The following NAALADL2 variants were observed in gnomAD, a reference collection of about 807,000 sequenced individuals.
The protein encoded by NAALADL2 is inactive N-acetylated-alpha-linked acidic dipeptidase-like protein 2.
NAALADL2 carries 76 observed loss-of-function variants against 87.2 expected under a neutral mutation model. The observed-to-expected ratio is 0.87, with a 90% CI of 0.72 to 1.05. NAALADL2 has a LOEUF of 1.05. Among genes scored for constraint, NAALADL2 ranks in the 50% least tolerant of loss-of-function variants. The pLI is 0.00. For missense variants in NAALADL2, 1,089 were observed against 945.8 expected, an observed-to-expected ratio of 1.15 and a Z score of -1.99; for synonymous variants, 354 against 331.0, an observed-to-expected ratio of 1.07 and a Z score of -0.75.
chr3:174,925,183 C>G (rs1234257813), intron 1 of NAALADL2, among the ~76,000 whole-genome samples: 1 of 152,092 alleles, frequency 6.6e-6, no homozygotes, highest in East Asian at 1.9e-4. Flanking sequence ...AGGTTTTCTT[C>G]TAGGGTTTTT....
At chr3:174,662,282 G>T (rs1022790266) in intron 2 of NAALADL2, among the ~76,000 whole-genome samples, 20 of 152,176 alleles carry the variant, frequency 1.3e-4, no homozygotes, top group Admixed American at 6.5e-4. Flanking sequence ...ATTACAACTT[G>T]AAGTGGAGAG....
At chr3:175,335,478 A>G (rs912548478) in intron 5 of NAALADL2, among the ~76,000 whole-genome samples, 3 of 152,186 alleles carry the variant, frequency 2.0e-5, no homozygotes, top group Non-Finnish European at 2.9e-5. Context: ...TACAAAGCAG[A>G]CTCTAAGAAC....
At chr3:175,516,472 A>G (rs563006004) in intron 9 of NAALADL2, among the ~76,000 whole-genome samples, 104 of 152,312 alleles carry the variant, frequency 6.8e-4, no homozygotes, top group African/African-American at 2.4e-3. Flanking sequence ...CCAAATGTGC[A>G]CTGTTAGTTG....
intron 12 of NAALADL2, among the ~76,000 whole-genome samples, chr3:175,737,714 GTTTTTT>G (rs71164650): frequency 2.2e-4 from 12 of 54,760 alleles, no homozygotes; most frequent in African/African-American, 6.6e-4. Context: ...CAATGATCCA[GTTTTTT>G]TTTTTTTTTT....
At position 175,810,179 on chromosome 3, in the gene NAALADL2, T is replaced by A. The variant is rs149556814; in HGVS notation, c.*6976T>A. 98 of 152,168 alleles carry A rather than the reference T, an allele frequency of 6.4e-4. No homozygotes were observed. The highest frequency in any genetic ancestry group is 2.3e-3 in the African/African-American group (97 of 41,542). The allele number at this position is 152,168 out of a possible 1,614,324, so 9.4% of individuals were successfully genotyped here. A position where few individuals can be genotyped will look rare whatever the true frequency, so the allele number is the denominator to read the frequency against. ...TTTTAAATTACTATATAGGGTTGAATGTCTAATTTCTATAATGTGTGGATG... is the reference window on the plus strand; with the variant it reads ...TTTTAAATTACTATATAGGGTTGAAAGTCTAATTTCTATAATGTGTGGATG... On this transcript the variant is annotated 3_prime_UTR_variant, in exon 14 of 14. Coordinates refer to ENST00000454872, the MANE Select transcript of NAALADL2 (RefSeq NM_207015.3).
intron 4 of NAALADL2, among the ~76,000 whole-genome samples, chr3:175,306,554 G>A (rs771232658): frequency 5.9e-5 from 9 of 152,186 alleles, no homozygotes; most frequent in Non-Finnish European, 1.2e-4. Context: ...GCTCGTGCCT[G>A]TAATCCCAGC....
chr3:174,780,777 C>T (rs1039408753), intron 3 of NAALADL2, among the ~76,000 whole-genome samples: 1 of 151,936 alleles, frequency 6.6e-6, no homozygotes, highest in Non-Finnish European at 1.5e-5. Context: ...AGCCAATTTA[C>T]ATTTAAAGTT....
chr3:175,800,522 G>T (rs1219717167), intron 13 of NAALADL2, among the ~76,000 whole-genome samples: 1 of 151,880 alleles, frequency 6.6e-6, no homozygotes, highest in Non-Finnish European at 1.5e-5. Flanking sequence ...CAAAATCATT[G>T]AAATAATCTC....
At chr3:175,738,919 C>A (rs1256728640) in intron 12 of NAALADL2, among the ~76,000 whole-genome samples, 1 of 152,014 alleles carries the variant, frequency 6.6e-6, no homozygotes, top group African/African-American at 2.4e-5. Flanking sequence ...ATCATTTTTG[C>A]AAATATTTTT....
At chr3:175,125,053 T>A (rs542344552) in intron 2 of NAALADL2, among the ~76,000 whole-genome samples, 1 of 152,036 alleles carries the variant, frequency 6.6e-6, no homozygotes, top group South Asian at 2.1e-4. Flanking sequence ...GAACACTCTA[T>A]GGTGATGGAA....
At chr3:175,640,553 C>G (rs1322096166) in intron 11 of NAALADL2, among the ~76,000 whole-genome samples, 1 of 152,110 alleles carries the variant, frequency 6.6e-6, no homozygotes, top group Non-Finnish European at 1.5e-5. Context: ...GCATAGATTA[C>G]AAATGATTGA....
intron 1 of NAALADL2, among the ~76,000 whole-genome samples, chr3:174,946,271 T>G (rs1739408046): frequency 6.6e-6 from 1 of 152,106 alleles, no homozygotes; most frequent in Admixed American, 6.6e-5. Context: ...ACATTAGGTC[T>G]TTATTTACAT....
intron 1 of NAALADL2, among the ~76,000 whole-genome samples, chr3:175,029,369 C>G (rs1752560560): frequency 6.6e-6 from 1 of 151,884 alleles, no homozygotes; most frequent in Admixed American, 6.6e-5. Context: ...AATGGGGGAC[C>G]CTAGTGAACC....
chr3:175,494,615 GC>G (rs1430453089), intron 9 of NAALADL2, among the ~76,000 whole-genome samples: 1 of 152,004 alleles, frequency 6.6e-6, no homozygotes, highest in Non-Finnish European at 1.5e-5. Context: ...CAGAATCCAT[GC>G]TTTTTCGTTA....
intron 4 of NAALADL2, among the ~76,000 whole-genome samples, chr3:175,257,692 C>T (rs771738474): frequency 2.6e-4 from 39 of 151,650 alleles, no homozygotes; most frequent in Non-Finnish European, 5.7e-4. Context: ...AATCATGCTG[C>T]CTTTATACTG....
chr3:174,811,938 G>A (rs1282175666), intron 3 of NAALADL2, among the ~76,000 whole-genome samples: 2 of 152,024 alleles, frequency 1.3e-5, no homozygotes, highest in African/African-American at 4.8e-5. Flanking sequence ...TATGAAATCT[G>A]CCTTTTTTAA....
chr3:175,337,397 G>C (rs796747745), intron 5 of NAALADL2, among the ~76,000 whole-genome samples: 2 of 152,104 alleles, frequency 1.3e-5, no homozygotes, highest in African/African-American at 4.8e-5. Context: ...CCTCAGAATA[G>C]GATTGTATTT....
chr3:175,507,050 T>A (rs1730431614), intron 9 of NAALADL2, among the ~76,000 whole-genome samples: 1 of 151,870 alleles, frequency 6.6e-6, no homozygotes, highest in Non-Finnish European at 1.5e-5. Flanking sequence ...CATTCTCTCA[T>A]CACTAGCTCT....
At chr3:175,473,824 T>C (rs1316778275) in intron 9 of NAALADL2, among the ~76,000 whole-genome samples, 1 of 152,134 alleles carries the variant, frequency 6.6e-6, no homozygotes, top group African/African-American at 2.4e-5. Flanking sequence ...CCAGAACATA[T>C]GTAACTTCAT....
Sources: gnomAD v4.1 joint callset for allele counts (sites outside exome capture counted in the v4.1 genomes callset) on GRCh38, gnomAD v4.1.1 for gene constraint, MANE v1.5 for transcripts, NCBI Gene and HGNC (gene_info 2026-07-23, HGNC 2026-07-21) for gene names.